The following AGAP1 variants were observed in gnomAD, a reference collection of about 807,000 sequenced individuals.
AGAP1 encodes the protein ArfGAP with GTPase domain, ankyrin repeat and PH domain 1, also known as arf-GAP with GTPase, ANK repeat and PH domain-containing protein 1.
A neutral mutation model predicts 105.3 loss-of-function variants in AGAP1; 29 were observed. That is an observed-to-expected ratio of 0.28 (90% confidence interval 0.21 to 0.38). The LOEUF (loss-of-function observed/expected upper bound fraction) is 0.38, where lower values mean the gene tolerates loss of function less well. Ranked by LOEUF, AGAP1 falls within the 10% of genes least tolerant of loss-of-function variation. The pLI, the probability that AGAP1 is intolerant of heterozygous loss-of-function variation, is 1.00. For synonymous variants in AGAP1, 509 were observed against 485.9 expected, an observed-to-expected ratio of 1.05 and a Z score of -0.63; for missense variants, 998 against 1,165.1, an observed-to-expected ratio of 0.86 and a Z score of 2.09.
intron 1 of AGAP1, among the ~76,000 whole-genome samples, chr2:235,511,667 A>T (rs1942115903): frequency 6.6e-6 from 1 of 152,018 alleles, no homozygotes; most frequent in Non-Finnish European, 1.5e-5. Flanking sequence ...TCTATATATA[A>T]ATCTTTTTGA....
intron 1 of AGAP1, among the ~76,000 whole-genome samples, chr2:235,637,452 T>TA (rs1310636398): frequency 7.9e-6 from 1 of 126,906 alleles, no homozygotes; most frequent in African/African-American, 4.4e-5. Context: ...GTATTATTAT[T>TA]TTTTTTTTTT....
intron 8 of AGAP1, among the ~76,000 whole-genome samples, chr2:235,805,139 C>G (rs1957773762): frequency 6.6e-6 from 1 of 152,172 alleles, no homozygotes; most frequent in South Asian, 2.1e-4. Flanking sequence ...TGCCACTGTT[C>G]TTTCCCGAAA....
rs577161966 is a variant in AGAP1, at chr2:236,114,416, C to T, written c.2115-5776C>T. 4.6e-5 allele frequency among the ~76,000 whole-genome samples: 7 copies of T among 152,314 alleles called. No individual in the cohort carries two copies. The East Asian group carries it at 7.7e-4, about 17-fold the overall frequency. The stretch of plus-strand genomic sequence containing the variant: ...GTCATATGTGACTTGCGTATGGAGA[C>T]GCTAGTGAGAAAGATGAAGGATGCT... On this transcript the variant is annotated intron_variant, in intron 16 of 17. Coordinates refer to ENST00000304032, the MANE Select transcript of AGAP1 (RefSeq NM_001037131.3). This position sits in a 1 kb window ranked among gnomAD's most constrained non-coding sequence, Gnocchi z 5.0.
At chr2:235,683,520 G>T (rs1949205807) in intron 1 of AGAP1, among the ~76,000 whole-genome samples, 1 of 150,420 alleles carries the variant, frequency 6.6e-6, no homozygotes, top group African/African-American at 2.4e-5. Context: ...AAAACTTATA[G>T]ATTATAAAAT....
In AGAP1 at chr2:236,049,394, C is replaced by G. The variant is rs965646545; in HGVS notation, c.2114+113C>G. Reference sequence around the variant, plus strand: ...AAGGCCCTGATAACCTGTAGGAATTCGGGAATTCCGATTCATCCGGCATAG... The same window carrying G: ...AAGGCCCTGATAACCTGTAGGAATTGGGGAATTCCGATTCATCCGGCATAG... On this transcript the variant is annotated intron_variant, in intron 16 of 17. Transcript: ENST00000304032. 3.1e-6 allele frequency: 3 copies of G among 954,098 alleles called. No individual in the cohort carries two copies. The East Asian group carries it at 7.8e-5, about 25-fold the overall frequency. 59.1% of individuals were successfully genotyped at this position (954,098 alleles called of 1,614,324 possible). A position where few individuals can be genotyped will look rare whatever the true frequency, so the allele number is the denominator to read the frequency against.
At position 235,801,299 on chromosome 2, in the gene AGAP1, C is replaced by T. The variant is rs562490367; in HGVS notation, c.957+1777C>T. Among the ~76,000 whole-genome samples the T allele has an allele frequency of 4.6e-5, 7 of 152,208 alleles. No individual in the cohort carries two copies. Among genetic ancestry groups the T allele is most frequent in the East Asian group, 1.9e-4 (1 of 5,154 alleles). Reference sequence around the variant, plus strand: ...CATAGTACTTCTGCAGTGGGGCTTCCGGGAAGACTTCCTGGAGGAGGCAGA... The same window carrying T: ...CATAGTACTTCTGCAGTGGGGCTTCTGGGAAGACTTCCTGGAGGAGGCAGA... On this transcript the variant is annotated intron_variant, in intron 8 of 17. Transcript: ENST00000304032. The surrounding 1 kb of genome is among the most constrained non-coding windows in gnomAD (Gnocchi z 6.0).
rs2049695403 is a variant in AGAP1, at chr2:235,875,751, C to T, written c.1051-7594C>T. Among the ~76,000 whole-genome samples the T allele has an allele frequency of 6.6e-6, 1 of 152,186 alleles. No homozygotes were observed. The highest frequency in any genetic ancestry group is 1.5e-5 in the Non-Finnish European group (1 of 68,032). On this transcript the variant is annotated intron_variant, in intron 9 of 17. Transcript: ENST00000304032. The surrounding 1 kb of genome is among the most constrained non-coding windows in gnomAD (Gnocchi z 4.0). ...TGTGTTAGTTGTGCACAGATACCTA[C>T]ACTTCCCACTGCCCGACAGTACGTG... is the stretch of plus-strand genomic sequence containing the variant.
intron 11 of AGAP1, among the ~76,000 whole-genome samples, chr2:235,928,092 G>A (rs1358206400): frequency 6.6e-6 from 1 of 152,178 alleles, no homozygotes; most frequent in South Asian, 2.1e-4. Context: ...AGCAAGGGAG[G>A]TGCCCCCCCA....
In AGAP1 at chr2:235,919,113, A is replaced by C. The variant is rs1291510164; in HGVS notation, c.1324+10207A>C. The stretch of plus-strand genomic sequence containing the variant: ...GACCAGCGAAGTGGTCTGCAGGGTC[A>C]GCTGTGGGAAAGAGGAGGTGCCCGG... On this transcript the variant is annotated intron_variant, in intron 11 of 17. Transcript: ENST00000304032. This position sits in a 1 kb window ranked among gnomAD's most constrained non-coding sequence, Gnocchi z 4.1. Among the ~76,000 whole-genome samples, 2 of 152,184 alleles carry C rather than the reference A, an allele frequency of 1.3e-5. No homozygotes were observed. Among genetic ancestry groups the C allele is most frequent in the Non-Finnish European group, 2.9e-5 (2 of 68,030 alleles).
At chr2:235,498,650 C>T (rs895493941) in intron 1 of AGAP1, among the ~76,000 whole-genome samples, 3 of 152,202 alleles carry the variant, frequency 2.0e-5, no homozygotes, top group Admixed American at 6.5e-5. Context: ...AGTCACACAT[C>T]GTAATTCAGC....
chr2:236,100,297 AC>A (rs1342785237), intron 16 of AGAP1, among the ~76,000 whole-genome samples: 1 of 152,158 alleles, frequency 6.6e-6, no homozygotes, highest in Non-Finnish European at 1.5e-5. Context: ...AGAAAATAAA[AC>A]ATCTGACCAG....
chr2:236,055,744 A>G lies in AGAP1; in HGVS notation c.2114+6463A>G, dbSNP rs1003060581. On this transcript the variant is annotated intron_variant, in intron 16 of 17. Transcript: ENST00000304032. This position sits in a 1 kb window ranked among gnomAD's most constrained non-coding sequence, Gnocchi z 6.2. ...CAATAAAGTTTATACATCCTCGGCT[A>G]TGCAAACGCAACAGCTGCTCAGGGA... Among the ~76,000 whole-genome samples the G allele has an allele frequency of 6.6e-6, 1 of 152,226 alleles. No homozygotes were observed. The highest frequency in any genetic ancestry group is 2.4e-5 in the African/African-American group (1 of 41,464).
At position 236,076,265 on chromosome 2, in the gene AGAP1, CATGGTG is replaced by C. The variant is rs1464803675; in HGVS notation, c.2114+26986_2114+26991del. ...AGGAGTTCGAGACCAGCCTGGCCAA[CATGGTG>C]AACCCCCATCTACTACAAATACAAA... On this transcript the variant is annotated intron_variant, in intron 16 of 17. Coordinates refer to ENST00000304032, the MANE Select transcript of AGAP1 (RefSeq NM_001037131.3). This position sits in a 1 kb window ranked among gnomAD's most constrained non-coding sequence, Gnocchi z 4.4. 6.6e-6 allele frequency among the ~76,000 whole-genome samples: 1 copy of C among 152,128 alleles called. No individual in the cohort carries two copies. The highest frequency in any genetic ancestry group is 1.5e-5 in the Non-Finnish European group (1 of 68,018).
intron 1 of AGAP1, among the ~76,000 whole-genome samples, chr2:235,591,915 G>A (rs1945355097): frequency 1.6e-5 from 2 of 127,478 alleles, no homozygotes; most frequent in Admixed American, 1.0e-4. Flanking sequence ...CTCCCCCTTC[G>A]TCTTCCCACA....
At chr2:235,710,779 C>T (rs546641346) in intron 2 of AGAP1, among the ~76,000 whole-genome samples, 3 of 152,110 alleles carry the variant, frequency 2.0e-5, no homozygotes, top group South Asian at 2.1e-4. Flanking sequence ...CCGCAGTTTC[C>T]GTTACTTCCT....
chr2:235,891,494 T>C lies in AGAP1; in HGVS notation c.1155+8045T>C, dbSNP rs932078516. Among the ~76,000 whole-genome samples, 1 of 152,212 alleles carries C rather than the reference T, an allele frequency of 6.6e-6. No homozygotes were observed. Among genetic ancestry groups the C allele is most frequent in the Non-Finnish European group, 1.5e-5 (1 of 68,042 alleles). On this transcript the variant is annotated intron_variant, in intron 10 of 17. Coordinates refer to ENST00000304032, the MANE Select transcript of AGAP1 (RefSeq NM_001037131.3). This position sits in a 1 kb window ranked among gnomAD's most constrained non-coding sequence, Gnocchi z 4.2. The stretch of plus-strand genomic sequence containing the variant: ...GAGTCCCTTTCTGTGGACTTAAATG[T>C]GAGCCTTAGGGAGCACCTTGATAGA...
At position 235,889,054 on chromosome 2, in the gene AGAP1, T is replaced by G. The variant is rs1380493140; in HGVS notation, c.1155+5605T>G. Among the ~76,000 whole-genome samples the G allele has an allele frequency of 6.6e-6, 1 of 152,232 alleles. No homozygotes were observed. The highest frequency in any genetic ancestry group is 1.5e-5 in the Non-Finnish European group (1 of 68,034). On this transcript the variant is annotated intron_variant, in intron 10 of 17. Coordinates refer to ENST00000304032, the MANE Select transcript of AGAP1 (RefSeq NM_001037131.3). The surrounding 1 kb of genome is among the most constrained non-coding windows in gnomAD (Gnocchi z 4.6). Reference sequence around the variant, plus strand: ...GAACACAGTTTGCTTATTGCACAAGTGTCCACGGAAGTGTTTGTGTGAAAG... The same window carrying G: ...GAACACAGTTTGCTTATTGCACAAGGGTCCACGGAAGTGTTTGTGTGAAAG...
rs1299944731 is a variant in AGAP1 at position 235,830,219 on chromosome 2, C to T, written c.1050+22888C>T. 6.6e-6 allele frequency among the ~76,000 whole-genome samples: 1 copy of T among 152,140 alleles called. No individual in the cohort carries two copies. The highest frequency in any genetic ancestry group is 1.5e-5 in the Non-Finnish European group (1 of 68,024). On this transcript the variant is annotated intron_variant, in intron 9 of 17. Transcript: ENST00000304032. This position sits in a 1 kb window ranked among gnomAD's most constrained non-coding sequence, Gnocchi z 5.5. ...AGGAGTCGGCTCTGTGTGACTTCCCCATGACACCAGTGGGCCAGGCTACAG... is the reference window on the plus strand; with the variant it reads ...AGGAGTCGGCTCTGTGTGACTTCCCTATGACACCAGTGGGCCAGGCTACAG...
rs1306356031 is a variant in AGAP1, at chr2:235,981,869, C to G, written c.1645+13246C>G. On this transcript the variant is annotated intron_variant, in intron 13 of 17. Coordinates refer to ENST00000304032, the MANE Select transcript of AGAP1 (RefSeq NM_001037131.3). The surrounding 1 kb of genome is among the most constrained non-coding windows in gnomAD (Gnocchi z 5.5). ...CACATCTCCACGGTGACCTTCCCTT[C>G]CCTTGGAAGGGGGCGCTTGTCTTTT... Among the ~76,000 whole-genome samples, 1 of 152,192 alleles carries G rather than the reference C, an allele frequency of 6.6e-6. No homozygotes were observed. Among genetic ancestry groups the G allele is most frequent in the African/African-American group, 2.4e-5 (1 of 41,452 alleles).
Sources: allele counts gnomAD v4.1 joint callset (sites outside exome capture counted in the v4.1 genomes callset), GRCh38; gene constraint gnomAD v4.1.1; non-coding constraint Gnocchi (gnomAD v3.1); transcripts MANE v1.5; gene names NCBI Gene and HGNC (gene_info 2026-07-23, HGNC 2026-07-21).